The following LARGE1 variants were observed in gnomAD, a reference collection of about 807,000 sequenced individuals.
The protein encoded by LARGE1 is LARGE xylosyl- and glucuronyltransferase 1.
A neutral mutation model predicts 87.6 loss-of-function variants in LARGE1; 43 were observed. The ratio of observed to expected loss-of-function variants is 0.49; its 90% CI spans 0.38 to 0.63. The LOEUF (loss-of-function observed/expected upper bound fraction) is 0.63, where lower values mean the gene tolerates loss of function less well. Ranked by LOEUF, LARGE1 falls within the 30% of genes least tolerant of loss-of-function variation. The pLI, the probability that LARGE1 is intolerant of heterozygous loss-of-function variation, is 0.00. For synonymous variants in LARGE1, 434 were observed against 394.6 expected (o/e 1.10, Z -1.18); for missense variants, 802 against 1,000.2 (o/e 0.80, Z 2.67).
chr22:33,835,584 A>G (rs562758352), intron 1 of LARGE1, among the ~76,000 whole-genome samples: 1 of 152,180 alleles, frequency 6.6e-6, no homozygotes, highest in Admixed American at 6.5e-5. Flanking sequence ...ATCCTCAAGC[A>G]CTCACTTATT....
At chr22:33,227,274 G>A (rs1021163679) in intron 11 of LARGE1, among the ~76,000 whole-genome samples, 1 of 152,166 alleles carries the variant, frequency 6.6e-6, no homozygotes, top group Non-Finnish European at 1.5e-5. Flanking sequence ...TGGCTCTGTA[G>A]TTAGTGCTCC....
At chr22:33,579,497 G>T (rs534639329) in intron 5 of LARGE1, among the ~76,000 whole-genome samples, 1 of 152,294 alleles carries the variant, frequency 6.6e-6, no homozygotes, top group Non-Finnish European at 1.5e-5. Context: ...GTTAGCATTT[G>T]TACATTACGG....
intron 2 of LARGE1, among the ~76,000 whole-genome samples, chr22:33,744,596 C>A (rs904337819): frequency 6.6e-6 from 1 of 152,242 alleles, no homozygotes; most frequent in African/African-American, 2.4e-5. Context: ...TCTGGCCCTA[C>A]AGGGCCCTAT....
intron 6 of LARGE1, among the ~76,000 whole-genome samples, chr22:33,550,596 C>T (rs908475793): frequency 3.9e-5 from 6 of 152,164 alleles, no homozygotes; most frequent in Non-Finnish European, 8.8e-5. Flanking sequence ...AACTCTTATA[C>T]ACTGTTGGTG....
rs1017094747 is a variant in LARGE1, at chr22:33,411,695, T to C, written c.892+20466A>G. On this transcript the variant is annotated intron_variant, in intron 7 of 14. Coordinates refer to ENST00000397394, the MANE Select transcript of LARGE1 (RefSeq NM_133642.5). ...CATGGGTAATGAGAATATCTATGTA[T>C]GGTATTGTTTATAATTGAGGGGAAA... Among the ~76,000 whole-genome samples the C allele has an allele frequency of 4.6e-4, 70 of 152,186 alleles. 1 individual carries two copies. Among genetic ancestry groups the C allele is most frequent in the Admixed American group, 4.6e-3 (70 of 15,278 alleles).
At chr22:33,874,740 C>T (rs2064411372) in intron 1 of LARGE1, among the ~76,000 whole-genome samples, 2 of 152,136 alleles carry the variant, frequency 1.3e-5, no homozygotes, top group Admixed American at 1.3e-4. Flanking sequence ...CCTGTCTGTG[C>T]CTCGGTTTCC....
chr22:33,154,018 C>T, the LARGE1 span, among the ~76,000 whole-genome samples: 1 of 152,108 alleles, frequency 6.6e-6, no homozygotes, highest in Non-Finnish European at 1.5e-5. Flanking sequence ...TCCTCTTCTG[C>T]CAAGGTCATA....
At chr22:33,921,332 C>T (rs1284744036), upstream of LARGE1, among the ~76,000 whole-genome samples, 2 of 152,178 alleles carry the variant, frequency 1.3e-5, no homozygotes, top group South Asian at 4.1e-4. The surrounding 1 kb of genome is among the most constrained non-coding windows in gnomAD (Gnocchi z 4.1). Context: ...CCAACCCCGG[C>T]GGCTCCCGGC....
chr22:33,742,862 G>A (rs1166308726), intron 2 of LARGE1, among the ~76,000 whole-genome samples: 5 of 152,086 alleles, frequency 3.3e-5, no homozygotes, highest in African/African-American at 1.2e-4. Context: ...TGGTTCAAGA[G>A]TTCCAACACC....
intron 1 of LARGE1, among the ~76,000 whole-genome samples, chr22:33,772,641 C>T (rs1401707188): frequency 6.6e-6 from 1 of 152,060 alleles, no homozygotes; most frequent in African/African-American, 2.4e-5. Context: ...CTCAGTAGCC[C>T]CCTCCCCAAC....
intron 1 of LARGE1, among the ~76,000 whole-genome samples, chr22:33,914,158 AC>A (rs1569031151): frequency 1.3e-5 from 2 of 151,852 alleles, no homozygotes; most frequent in African/African-American, 4.8e-5. Context: ...TCTTTCCTCT[AC>A]CCCCAGGAGA....
intron 6 of LARGE1, among the ~76,000 whole-genome samples, chr22:33,466,280 A>G (rs2068604230): frequency 6.6e-6 from 1 of 151,996 alleles, no homozygotes; most frequent in Admixed American, 6.6e-5. Flanking sequence ...TCTCCGAAGT[A>G]GCTTTCCCTG....
intron 3 of LARGE1, among the ~76,000 whole-genome samples, chr22:33,633,823 G>C (rs980537470): frequency 7.2e-5 from 11 of 152,226 alleles, no homozygotes; most frequent in African/African-American, 2.7e-4. Flanking sequence ...CAGATGCTCT[G>C]ACAGCTGCGG....
chr22:33,604,494 A>AG lies in LARGE1; in HGVS notation c.555dup (p.Phe186LeufsTer22), dbSNP rs1569306050. 6.2e-7 allele frequency: 1 copy of AG among 1,614,130 alleles called. No individual in the cohort carries two copies. The highest frequency in any genetic ancestry group is 1.7e-5 in the Admixed American group (1 of 60,022). The stretch of plus-strand genomic sequence containing the variant: ...ACAGCGGGCACCATCCAGGTCTGGA[A>AG]GAGCGTGGCCAGGATCTGCTCCGCA... On this transcript the variant is annotated frameshift_variant, in exon 5 of 15. Coordinates refer to ENST00000397394, the MANE Select transcript of LARGE1 (RefSeq NM_133642.5). LOFTEE classifies it high-confidence loss of function.
At position 33,227,334 on chromosome 22, in the gene LARGE1, A is replaced by G. The variant is rs560335768; in HGVS notation, c.1731-60502T>C. On this transcript the variant is annotated intron_variant, in intron 11 of 11. Transcript: ENST00000608642. The stretch of plus-strand genomic sequence containing the variant: ...CAGTGGTTCCCTTCTGCACAGAGGG[A>G]GGGCCAATCCCAAGGACAAACCCAA... 7.2e-5 allele frequency among the ~76,000 whole-genome samples: 11 copies of G among 152,270 alleles called. 1 individual carries two copies. The South Asian group carries it at 2.3e-3, about 32-fold the overall frequency.
chr22:33,169,282 A>G (rs1922434185), intron 11 of LARGE1, among the ~76,000 whole-genome samples: 1 of 152,170 alleles, frequency 6.6e-6, no homozygotes, highest in Non-Finnish European at 1.5e-5. Context: ...AAAACATTTC[A>G]TCATCTTCCC....
chr22:33,102,541 G>A, the LARGE1 span, among the ~76,000 whole-genome samples: 3 of 151,222 alleles, frequency 2.0e-5, no homozygotes, highest in Non-Finnish European at 2.9e-5. Flanking sequence ...CCAGGCTGGA[G>A]TGCAGTGGCA....
downstream of LARGE1, among the ~76,000 whole-genome samples, chr22:33,270,551 GATA>G (rs1928188101): frequency 6.6e-6 from 1 of 152,102 alleles, no homozygotes; most frequent in African/African-American, 2.4e-5. Context: ...AAATAATGGG[GATA>G]ATAATACCTC....
chr22:33,263,083 G>A (rs1047844738), intron 11 of LARGE1, among the ~76,000 whole-genome samples: 4 of 151,982 alleles, frequency 2.6e-5, no homozygotes, highest in Non-Finnish European at 4.4e-5. Context: ...TAGTCGAGAC[G>A]AGGTTTCACC....
Sources: allele counts gnomAD v4.1 joint callset (sites outside exome capture counted in the v4.1 genomes callset), GRCh38; gene constraint gnomAD v4.1.1; non-coding constraint Gnocchi (gnomAD v3.1); transcripts MANE v1.5; gene names NCBI Gene and HGNC (gene_info 2026-07-23, HGNC 2026-07-21).